CAMKMT: variants seen among roughly 807,000 people sequenced by gnomAD.
CAMKMT encodes CaM KMT.
Under a neutral mutation model 48.0 loss-of-function variants are expected in CAMKMT, and 53 were observed. That is an observed-to-expected ratio of 1.10 (90% confidence interval 0.89 to 1.39). CAMKMT has a LOEUF of 1.39. Ranked by LOEUF, CAMKMT falls within the 40% of genes most tolerant of loss-of-function variation. CAMKMT has a pLI of 0.00. For synonymous variants in CAMKMT, 165 were observed against 152.3 expected (o/e 1.08, Z -0.61); for missense variants, 428 against 402.7 (o/e 1.06, Z -0.54).
chr2:44,549,599 T>A (rs557611958), intron 3 of CAMKMT: 122 of 686,008 alleles, frequency 1.8e-4, no homozygotes, highest in Admixed American at 3.0e-4. Flanking sequence ...GCAGTGGTGA[T>A]CATAACTCAG....
At chr2:44,416,925 G>T (rs961809224) in intron 3 of CAMKMT, among the ~76,000 whole-genome samples, 2 of 151,478 alleles carry the variant, frequency 1.3e-5, no homozygotes, top group Non-Finnish European at 2.9e-5. Context: ...TCTGTTGTTC[G>T]TTTCTTTATT....
rs558744830 is a variant in CAMKMT at position 44,399,716 on chromosome 2, G to A, written c.376+9411G>A. On this transcript the variant is annotated intron_variant, in intron 3 of 10. Coordinates refer to ENST00000378494, the MANE Select transcript of CAMKMT (RefSeq NM_024766.5). ...TTTTATCCCCTTTCCTTCTGATTTC[G>A]TCATGATAGAATTGAGGAAGACGGC... Among the ~76,000 whole-genome samples the A allele has an allele frequency of 2.6e-5, 4 of 151,690 alleles. No individual in the cohort carries two copies. In the South Asian group the frequency reaches 6.3e-4, roughly 24 times the overall value.
intron 3 of CAMKMT, among the ~76,000 whole-genome samples, chr2:44,643,943 A>C (rs1673588274): frequency 1.3e-5 from 2 of 152,218 alleles, no homozygotes; most frequent in Non-Finnish European, 2.9e-5. Context: ...TATTGATGAA[A>C]TATCTCTGTC....
chr2:44,416,840 G>T (rs1445008298), intron 3 of CAMKMT, among the ~76,000 whole-genome samples: 2 of 151,930 alleles, frequency 1.3e-5, no homozygotes, highest in Non-Finnish European at 2.9e-5. Flanking sequence ...CTCCCAAATT[G>T]TTGGTATTAC....
intron 8 of CAMKMT, among the ~76,000 whole-genome samples, chr2:44,752,668 G>A (rs1189389746): frequency 6.6e-6 from 1 of 152,224 alleles, no homozygotes; most frequent in African/African-American, 2.4e-5. Context: ...CCAGAGGCTG[G>A]TAAATCCAAG....
chr2:44,688,093 T>C (rs1276384429), intron 3 of CAMKMT, among the ~76,000 whole-genome samples: 1 of 152,198 alleles, frequency 6.6e-6, no homozygotes, highest in Non-Finnish European at 1.5e-5. Context: ...TGCAGGAGAA[T>C]GAAGGCTATA....
intron 3 of CAMKMT, among the ~76,000 whole-genome samples, chr2:44,642,483 C>T (rs531814155): frequency 2.6e-5 from 4 of 152,184 alleles, no homozygotes; most frequent in Non-Finnish European, 4.4e-5. Context: ...GTCTTTCATA[C>T]ACATTTATTG....
intron 1 of CAMKMT, among the ~76,000 whole-genome samples, chr2:44,363,046 T>A (rs896356838): frequency 3.9e-5 from 6 of 152,200 alleles, no homozygotes; most frequent in African/African-American, 1.4e-4. Context: ...TTACTTGAGA[T>A]TGTGCTTTTA....
chr2:44,723,224 G>A (rs887267915), intron 7 of CAMKMT, among the ~76,000 whole-genome samples: 4 of 152,166 alleles, frequency 2.6e-5, no homozygotes, highest in African/African-American at 7.2e-5. Flanking sequence ...GAGCCCTCAC[G>A]TGGGGACCAC....
intron 3 of CAMKMT, among the ~76,000 whole-genome samples, chr2:44,687,798 C>A (rs945495833): frequency 6.6e-6 from 1 of 152,218 alleles, no homozygotes; most frequent in Non-Finnish European, 1.5e-5. Context: ...TGCTGCTCTG[C>A]AGCAAATGAA....
rs573265936 is a variant in CAMKMT at position 44,405,581 on chromosome 2, AATCT to A, written c.376+15277_376+15280del. On this transcript the variant is annotated intron_variant, in intron 3 of 10. Coordinates refer to ENST00000378494, the MANE Select transcript of CAMKMT (RefSeq NM_024766.5). Reference sequence around the variant, plus strand: ...GGGTAGAAGAAAAATTAACTTTATTAATCTTTGTACTTAATTTGTTTCAAGTATG... The same window carrying A: ...GGGTAGAAGAAAAATTAACTTTATTATTGTACTTAATTTGTTTCAAGTATG... 7.9e-4 allele frequency among the ~76,000 whole-genome samples: 121 copies of A among 152,244 alleles called. 2 individuals are homozygous for A. Among genetic ancestry groups the A allele is most frequent in the African/African-American group, 2.7e-3 (114 of 41,582 alleles).
chr2:44,667,668 G>T (rs187471871), intron 3 of CAMKMT, among the ~76,000 whole-genome samples: 1 of 151,858 alleles, frequency 6.6e-6, no homozygotes, highest in African/African-American at 2.4e-5. Flanking sequence ...ACCTACCCCC[G>T]CAGTCATACC....
chr2:44,494,163 C>T (rs1669644083), intron 3 of CAMKMT, among the ~76,000 whole-genome samples: 1 of 152,150 alleles, frequency 6.6e-6, no homozygotes, highest in Admixed American at 6.5e-5. Flanking sequence ...CTTTGTATTC[C>T]TATTCAAAGA....
intron 4 of CAMKMT, 61 bp from the exon 5 acceptor site, chr2:44,706,226 C>A (rs370098874): frequency 2.8e-5 from 44 of 1,548,182 alleles, no homozygotes; most frequent in Middle Eastern, 1.7e-4. Context: ...TAACATATAT[C>A]TCTCTCTGAC....
rs144667552 is a variant in CAMKMT, at chr2:44,692,873, C to G, written c.377-11410C>G. ...CAGAGCCAGAATCAGACCCCAGATCCCTAGGTAGTGTTTTTTTGCACCATG... is the reference window on the plus strand; with the variant it reads ...CAGAGCCAGAATCAGACCCCAGATCGCTAGGTAGTGTTTTTTTGCACCATG... On this transcript the variant is annotated intron_variant, in intron 3 of 10. Coordinates refer to ENST00000378494, the MANE Select transcript of CAMKMT (RefSeq NM_024766.5). Among the ~76,000 whole-genome samples the G allele has an allele frequency of 2.7e-3, 417 of 152,262 alleles. 5 individuals carry two copies. Among genetic ancestry groups the G allele is most frequent in the African/African-American group, 9.7e-3 (404 of 41,540 alleles).
At chr2:44,720,143 C>T (rs1678386167) in intron 7 of CAMKMT, among the ~76,000 whole-genome samples, 1 of 152,142 alleles carries the variant, frequency 6.6e-6, no homozygotes, top group African/African-American at 2.4e-5. Context: ...AGAACGTTAG[C>T]CGGTTCAGCT....
At chr2:44,403,225 C>G (rs1682550996) in intron 3 of CAMKMT, among the ~76,000 whole-genome samples, 1 of 152,108 alleles carries the variant, frequency 6.6e-6, no homozygotes, top group African/African-American at 2.4e-5. Flanking sequence ...TATACCTTAG[C>G]AGCTAGCATT....
chr2:44,705,991 A>G (rs376792723), intron 4 of CAMKMT, among the ~76,000 whole-genome samples: 1 of 152,206 alleles, frequency 6.6e-6, no homozygotes, highest in East Asian at 1.9e-4. Flanking sequence ...TCTAAAAGAC[A>G]GCGCCATTGA....
At chr2:44,697,540 G>T (rs1837116) in intron 3 of CAMKMT, among the ~76,000 whole-genome samples, 4 of 152,036 alleles carry the variant, frequency 2.6e-5, no homozygotes, top group South Asian at 4.2e-4. Context: ...TAGCAAATGA[G>T]GGGGGAAAAG....
Sources: allele counts gnomAD v4.1 joint callset (sites outside exome capture counted in the v4.1 genomes callset), GRCh38; gene constraint gnomAD v4.1.1; transcripts MANE v1.5; gene names NCBI Gene and HGNC (gene_info 2026-07-23, HGNC 2026-07-21).